Variants in SHANK1 observed in about 807,000 individuals in gnomAD.
SHANK1 encodes the protein SH3 and multiple ankyrin repeat domains protein 1.
SHANK1 carries 35 observed loss-of-function variants against 165.6 expected under a neutral mutation model. The observed-to-expected ratio is 0.21, with a 90% CI of 0.16 to 0.28. The LOEUF (loss-of-function observed/expected upper bound fraction) is 0.28. SHANK1 is among the 10% of genes least tolerant of loss of function. The probability of loss-of-function intolerance (pLI) is 1.00; values close to 1 mark genes in which losing one functional copy is unlikely to be tolerated. For synonymous variants in SHANK1, 1,428 were observed against 1,384.8 expected, an observed-to-expected ratio of 1.03 and a Z score of -0.69; for missense variants, 2,681 against 3,036.4, an observed-to-expected ratio of 0.88 and a Z score of 2.75.
At chr19:50,709,155 T>C (rs558023998) in intron 8 of SHANK1, among the ~76,000 whole-genome samples, 3 of 152,374 alleles carry the variant, frequency 2.0e-5, no homozygotes, top group African/African-American at 7.2e-5. Context: ...ATTTATTTTT[T>C]TGAGACGGAG....
chr19:50,661,842 G>T lies in SHANK1; in HGVS notation c.*123C>A. 1.8e-6 allele frequency: 2 copies of T among 1,130,524 alleles called. No homozygotes were observed. Among genetic ancestry groups the T allele is most frequent in the Non-Finnish European group, 2.6e-6 (2 of 777,396 alleles). 70.0% of individuals were successfully genotyped at this position (1,130,524 alleles called of 1,614,324 possible). On this transcript the variant is annotated 3_prime_UTR_variant, in exon 24 of 24. Transcript: ENST00000293441. Reference sequence around the variant, plus strand: ...GGTGACCTCTGGCCTTGGGAGATGAGGGCAGGGCGCAGTTTGAACAGAGTC... The same window carrying T: ...GGTGACCTCTGGCCTTGGGAGATGATGGCAGGGCGCAGTTTGAACAGAGTC...
rs199744718 is a variant in SHANK1 at position 50,684,229 on chromosome 19, GT to G, written c.2577+2007del. On this transcript the variant is annotated intron_variant, in intron 21 of 23. Transcript: ENST00000293441. ...ATTTGGACTCCATATAAGGAAGAAG[GT>G]TTTTTTTTTTTTGAGACAGAGTTTC... Among the ~76,000 whole-genome samples the G allele has an allele frequency of 8.6e-4, 126 of 147,096 alleles. No individual in the cohort carries two copies. In the East Asian group the frequency reaches 9.6e-3, roughly 11 times the overall value.
At position 50,668,199 on chromosome 19, in the gene SHANK1, G is replaced by C; in HGVS notation, c.3761C>G (p.Ser1254Cys). 6.7e-7 allele frequency: 1 copy of C among 1,495,220 alleles called. No homozygotes were observed. Among genetic ancestry groups the C allele is most frequent in the South Asian group, 1.3e-5 (1 of 77,398 alleles). 92.6% of individuals were successfully genotyped at this position (1,495,220 alleles called of 1,614,324 possible). A position where few individuals can be genotyped will look rare whatever the true frequency, so the allele number is the denominator to read the frequency against. Residue 1254 changes from serine (S) to cysteine (C), a missense_variant, in exon 23 of 24, where the codon TCC (serine) becomes TGC (cysteine). By Grantham distance (112) the Ser-to-Cys change is moderately radical (BLOSUM62 -1). Around this residue, in one of 10 missense-constraint regions of SHANK1, gnomAD observed 1,713 missense variants for 1,630.2 expected, o/e 1.05. Transcript: ENST00000293441. ...GGWQNEARRR[S>C]TLFLSTDAGD... ...CGCGTCGGTGGACAGGAACAGCGTG[G>C]AGCGCCGGCGCGCCTCATTCTGCCA... is the stretch of plus-strand genomic sequence containing the variant.
intron 15 of SHANK1, among the ~76,000 whole-genome samples, chr19:50,692,781 G>A (rs911072029): frequency 8.6e-5 from 13 of 151,014 alleles, no homozygotes; most frequent in Admixed American, 2.6e-4. Flanking sequence ...TCCATGCCAT[G>A]TTGAGGTTCC....
At chr19:50,669,500 CAAGG>C (rs1985712257) in intron 22 of SHANK1, among the ~76,000 whole-genome samples, 1 of 152,116 alleles carries the variant, frequency 6.6e-6, no homozygotes, top group African/African-American at 2.4e-5. Flanking sequence ...CTGCAAACCG[CAAGG>C]AAGGTGAGGA....
At chr19:50,673,688 C>A (rs1985881423) in intron 21 of SHANK1, among the ~76,000 whole-genome samples, 1 of 152,024 alleles carries the variant, frequency 6.6e-6, no homozygotes, top group Non-Finnish European at 1.5e-5. Flanking sequence ...GTGTCTAGGG[C>A]CCATGATGCT....
At chr19:50,709,210 C>A (rs866716808) in intron 8 of SHANK1, among the ~76,000 whole-genome samples, 1 of 152,172 alleles carries the variant, frequency 6.6e-6, no homozygotes, top group Non-Finnish European at 1.5e-5. Flanking sequence ...ATGATCTTGG[C>A]TCACTGCAAA....
At position 50,667,235 on chromosome 19, in the gene SHANK1, G is replaced by C; in HGVS notation, c.4725C>G (p.Asn1575Lys). 6.3e-7 allele frequency: 1 copy of C among 1,589,500 alleles called. No individual in the cohort carries two copies. Among genetic ancestry groups the C allele is most frequent in the Non-Finnish European group, 8.5e-7 (1 of 1,175,526 alleles). Residue 1575 changes from asparagine (N) to lysine (K), a missense_variant, in exon 23 of 24, where the codon AAC becomes AAG. Physicochemically the swap from Asn to Lys is moderately conservative, Grantham distance 94. Around this residue, in one of 10 missense-constraint regions of SHANK1, gnomAD observed 1,713 missense variants for 1,630.2 expected, o/e 1.05. Coordinates refer to ENST00000293441, the MANE Select transcript of SHANK1 (RefSeq NM_016148.5). The surrounding 1 kb of genome is among the most constrained non-coding windows in gnomAD (Gnocchi z 5.7). The part of the protein sequence containing the change: ...EPLPPPLEFS[N>K]SFEKPESPLT... ...GGGGCGACTCTGGCTTTTCGAAGCT[G>C]TTGGAGAATTCCAGAGGCGGAGGCA...
Position 50,688,791 on chromosome 19 carries a change from G to C in SHANK1, c.2172+53C>G. 9.6e-6 allele frequency: 15 copies of C among 1,565,304 alleles called. No individual in the cohort carries two copies. In the South Asian group the frequency reaches 1.8e-4, roughly 18 times the overall value. On this transcript the variant is annotated intron_variant, in intron 17 of 23. Transcript: ENST00000293441. The surrounding 1 kb of genome is among the most constrained non-coding windows in gnomAD (Gnocchi z 6.7). ...CCAGATCCTGGTGTGAATCATGAGGGGGTCTGGGAACTTGTCACAGGGTCC... is the reference window on the plus strand; with the variant it reads ...CCAGATCCTGGTGTGAATCATGAGGCGGTCTGGGAACTTGTCACAGGGTCC...
At chr19:50,704,415 C>T (rs1442912006) in intron 9 of SHANK1, 22 bp downstream of exon 9, 1 of 1,611,144 alleles carries the variant, frequency 6.2e-7, no homozygotes, top group East Asian at 2.2e-5. Context: ...GAAACTCCAG[C>T]ACATCCCCTG....
intron 4 of SHANK1, among the ~76,000 whole-genome samples, chr19:50,715,104 C>T (rs1391266608): frequency 6.6e-6 from 1 of 151,994 alleles, no homozygotes; most frequent in Non-Finnish European, 1.5e-5. Context: ...CTGACCAAAG[C>T]AGTTCCCGAT....
chr19:50,694,897 C>G (rs944281959), intron 15 of SHANK1, among the ~76,000 whole-genome samples: 2 of 150,528 alleles, frequency 1.3e-5, no homozygotes, highest in Non-Finnish European at 1.5e-5. Flanking sequence ...CGGCGCGCTC[C>G]GTTACCTGTA....
Position 50,688,145 on chromosome 19 carries a change from G to T in SHANK1, c.2173-87C>A. Reference sequence around the variant, plus strand: ...AGAGACCCCAAGGAGGATGCCTCCTGCGCTGCCCTGTCCATGGCCCTCTGG... The same window carrying T: ...AGAGACCCCAAGGAGGATGCCTCCTTCGCTGCCCTGTCCATGGCCCTCTGG... On this transcript the variant is annotated intron_variant, in intron 17 of 23. Coordinates refer to ENST00000293441, the MANE Select transcript of SHANK1 (RefSeq NM_016148.5). The surrounding 1 kb of genome is among the most constrained non-coding windows in gnomAD (Gnocchi z 6.7). 2 of 1,487,512 alleles carry T rather than the reference G, an allele frequency of 1.3e-6. No individual in the cohort carries two copies. The highest frequency in any genetic ancestry group is 1.8e-6 in the Non-Finnish European group (2 of 1,081,850). The allele number at this position is 1,487,512 out of a possible 1,614,324, so 92.1% of individuals were successfully genotyped here. A position where few individuals can be genotyped will look rare whatever the true frequency, so the allele number is the denominator to read the frequency against.
chr19:50,662,181 A>G lies in SHANK1; in HGVS notation c.6270T>C (p.Phe2090=). The part of the protein sequence containing the change: ...RLLSLPPDKP[F]GAKPLGFWTK... ...TCCAGAACCCCAGAGGTTTAGCGCC[A>G]AACGGCTTGTCCGGGGGCAGCGAGA... The change falls in exon 24 of 24, where the codon TTT becomes TTC. Residue 2090 remains phenylalanine (F), a synonymous_variant. Coordinates refer to ENST00000293441, the MANE Select transcript of SHANK1 (RefSeq NM_016148.5). This position sits in a 1 kb window ranked among gnomAD's most constrained non-coding sequence, Gnocchi z 7.7. 1 of 1,610,566 alleles carries G rather than the reference A, an allele frequency of 6.2e-7. No individual in the cohort carries two copies. Among genetic ancestry groups the G allele is most frequent in the East Asian group, 2.2e-5 (1 of 44,746 alleles).
chr19:50,714,056 G>A, intron 5 of SHANK1, 107 bp from the exon 6 acceptor site: 1 of 1,542,094 alleles, frequency 6.5e-7, no homozygotes, highest in Non-Finnish European at 8.8e-7. Context: ...TGGCCCCGTG[G>A]CCTCCCCCTT....
At chr19:50,681,492 G>A (rs945880151) in intron 21 of SHANK1, among the ~76,000 whole-genome samples, 2 of 152,086 alleles carry the variant, frequency 1.3e-5, no homozygotes, top group African/African-American at 4.8e-5. Context: ...GGAGGTCTTT[G>A]GAGCTCAGAG....
At chr19:50,689,370 G>T in intron 15 of SHANK1, 91 bp from the exon 16 acceptor site, 2 of 909,412 alleles carry the variant, frequency 2.2e-6, no homozygotes, top group Non-Finnish European at 3.7e-6. Flanking sequence ...CGGCAACCCA[G>T]ACCCAAACCT....
At position 50,660,732 on chromosome 19, in the gene SHANK1, G is replaced by GGC. The variant is rs1555738519; in HGVS notation, c.*1231_*1232dup. ...GAGCACTGAAAATGCTGGGGGGGGGGGCGCGTGTGCAAAAGCAAGTGTGCA... is the reference window on the plus strand; with the variant it reads ...GAGCACTGAAAATGCTGGGGGGGGGGGCGCGCGTGTGCAAAAGCAAGTGTGCA... On this transcript the variant is annotated 3_prime_UTR_variant, in exon 24 of 24. Coordinates refer to ENST00000293441, the MANE Select transcript of SHANK1 (RefSeq NM_016148.5). Among the ~76,000 whole-genome samples, 133 of 139,698 alleles carry GGC rather than the reference G, an allele frequency of 9.5e-4. 8 individuals carry two copies. Among genetic ancestry groups the GGC allele is most frequent in the African/African-American group, 3.4e-3 (128 of 37,468 alleles). The allele number at this position is 139,698 out of a possible 152,430, so 91.6% of individuals were successfully genotyped here. A position where few individuals can be genotyped will look rare whatever the true frequency, so the allele number is the denominator to read the frequency against.
chr19:50,689,159 A>T, intron 16 of SHANK1, 38 bp downstream of exon 16: 1 of 1,519,346 alleles, frequency 6.6e-7, no homozygotes, highest in Non-Finnish European at 9.1e-7. Flanking sequence ...CTGGGGTCAC[A>T]GAGCCCTTCT....
Sources: allele counts gnomAD v4.1 joint callset (sites outside exome capture counted in the v4.1 genomes callset), GRCh38; gene constraint gnomAD v4.1.1; regional missense constraint gnomAD v4.1.1; non-coding constraint Gnocchi (gnomAD v3.1); transcripts MANE v1.5; gene names NCBI Gene and HGNC (gene_info 2026-07-23, HGNC 2026-07-21).